CSMD1: variants seen among roughly 807,000 people sequenced by gnomAD.
CSMD1 encodes the protein CUB and sushi domain-containing protein 1.
CSMD1 carries 213 observed loss-of-function variants against 417.5 expected under a neutral mutation model. That is an observed-to-expected ratio of 0.51 (90% confidence interval 0.46 to 0.57). The LOEUF (loss-of-function observed/expected upper bound fraction) is 0.57. Among genes scored for constraint, CSMD1 ranks in the 20% least tolerant of loss-of-function variants. CSMD1 has a pLI of 0.00. For synonymous variants in CSMD1, 2,862 were observed against 1,736.8 expected (o/e 1.65, Z -16.11); for missense variants, 6,923 against 4,529.7 (o/e 1.53, Z -15.17).
At chr8:4,858,430 A>G (rs7832773) in intron 1 of CSMD1, among the ~76,000 whole-genome samples, 63,572 of 143,518 alleles carry the variant, frequency 0.44, 14,556 homozygotes, top group Non-Finnish European at 0.51. Flanking sequence ...TTAGGCAGGA[A>G]AAGGAAATAA....
intron 1 of CSMD1, among the ~76,000 whole-genome samples, chr8:4,902,608 A>C (rs1057466007): frequency 6.6e-6 from 1 of 152,216 alleles, no homozygotes; most frequent in African/African-American, 2.4e-5. Flanking sequence ...TCCTTTGACC[A>C]TTGTAATATT....
At chr8:4,422,698 G>A (rs1185854040) in intron 2 of CSMD1, among the ~76,000 whole-genome samples, 1 of 151,880 alleles carries the variant, frequency 6.6e-6, no homozygotes, top group South Asian at 2.1e-4. Flanking sequence ...AAGAGACTAA[G>A]ACACTCTAAT....
intron 3 of CSMD1, among the ~76,000 whole-genome samples, chr8:4,197,204 G>A (rs1036456142): frequency 6.6e-6 from 1 of 152,172 alleles, no homozygotes; most frequent in African/African-American, 2.4e-5. Flanking sequence ...GCATTTTCCA[G>A]TAAGAGCATC....
intron 1 of CSMD1, among the ~76,000 whole-genome samples, chr8:4,835,087 A>C (rs558900245): frequency 6.6e-6 from 1 of 151,850 alleles, no homozygotes; most frequent in South Asian, 2.1e-4. Context: ...TCACTGCCCT[A>C]TAGATATTAG....
At chr8:4,684,186 TA>T (rs1806225576) in intron 1 of CSMD1, among the ~76,000 whole-genome samples, 1 of 152,250 alleles carries the variant, frequency 6.6e-6, no homozygotes, top group Admixed American at 6.5e-5. Context: ...ACCATAAGGT[TA>T]TTTATGAATA....
At chr8:4,249,374 A>T (rs1384199763) in intron 3 of CSMD1, among the ~76,000 whole-genome samples, 1 of 152,254 alleles carries the variant, frequency 6.6e-6, no homozygotes, top group Admixed American at 6.5e-5. Context: ...TGTTTCATGT[A>T]GCATATTCCA....
chr8:3,547,851 C>T (rs558706991), intron 10 of CSMD1, among the ~76,000 whole-genome samples: 4 of 152,068 alleles, frequency 2.6e-5, no homozygotes, highest in African/African-American at 4.8e-5. Flanking sequence ...AAAGGAATTT[C>T]GCTAGGTCAT....
chr8:3,396,444 T>G, intron 16 of CSMD1, 63 bp from the exon 17 acceptor site: 1 of 1,179,580 alleles, frequency 8.5e-7, no homozygotes, highest in Non-Finnish European at 1.2e-6. Flanking sequence ...GACGTGCTCC[T>G]GACATCCTCA....
chr8:4,043,874 G>A lies in CSMD1; in HGVS notation c.416-11775C>T, dbSNP rs117451533. On this transcript the variant is annotated intron_variant, in intron 3 of 69. Coordinates refer to ENST00000635120, the MANE Select transcript of CSMD1 (RefSeq NM_033225.6). ...AAATGATGAGACACAGAGAGGCTAA[G>A]GAACTCAGTTAAGATAACACAGATA... 2.9e-3 allele frequency among the ~76,000 whole-genome samples: 444 copies of A among 152,270 alleles called. 12 individuals carry two copies. In the East Asian group the frequency reaches 0.057, roughly 19 times the overall value.
chr8:3,145,492 T>G lies in CSMD1; in HGVS notation c.6032-2818A>C, dbSNP rs140420962. 4.2e-3 allele frequency among the ~76,000 whole-genome samples: 636 copies of G among 152,284 alleles called. 7 individuals carry two copies. Among genetic ancestry groups the G allele is most frequent in the African/African-American group, 0.014 (600 of 41,556 alleles). ...AAGTACAGGATCTAGTGAAAGTGGT[T>G]TGTTACTGATTTGGAATTCAGTTTG... On this transcript the variant is annotated intron_variant, in intron 40 of 69. Transcript: ENST00000635120.
At chr8:4,365,916 T>C (rs1802040618) in intron 3 of CSMD1, among the ~76,000 whole-genome samples, 2 of 152,238 alleles carry the variant, frequency 1.3e-5, no homozygotes, top group African/African-American at 2.4e-5. Context: ...TAAAGTTTTA[T>C]TATTTTTTTC....
intron 6 of CSMD1, among the ~76,000 whole-genome samples, chr8:3,752,051 G>A (rs555471230): frequency 7.9e-5 from 12 of 152,214 alleles, no homozygotes; most frequent in Non-Finnish European, 1.5e-4. Flanking sequence ...CAGACCACAT[G>A]GAGTCTTCCT....
intron 1 of CSMD1, among the ~76,000 whole-genome samples, chr8:4,957,471 C>T (rs1809195049): frequency 6.6e-6 from 1 of 152,186 alleles, no homozygotes; most frequent in South Asian, 2.1e-4. Flanking sequence ...TTGATCATTT[C>T]AGGGAAGACA....
chr8:3,859,845 C>G lies in CSMD1; in HGVS notation c.819-105803G>C, dbSNP rs1371743634. ...GCAGGAGAAGCTGCACATTTGGAAG[C>G]CTCCTGGGTACAGCCTCAGGCATCT... is the stretch of plus-strand genomic sequence containing the variant. On this transcript the variant is annotated intron_variant, in intron 5 of 69. Transcript: ENST00000635120. 1.3e-5 allele frequency among the ~76,000 whole-genome samples: 2 copies of G among 152,136 alleles called. 1 individual carries two copies. The highest frequency in any genetic ancestry group is 2.9e-5 in the Non-Finnish European group (2 of 68,016).
chr8:3,856,946 C>CA (rs1179293020), intron 5 of CSMD1, among the ~76,000 whole-genome samples: 1 of 151,970 alleles, frequency 6.6e-6, no homozygotes, highest in African/African-American at 2.4e-5. Context: ...GCTATCCTGA[C>CA]AGGTACAAAG....
At position 4,734,942 on chromosome 8, in the gene CSMD1, C is replaced by T. The variant is rs897040866; in HGVS notation, c.86-97384G>A. ...GGAGGTCTGGCTTTAGCAAACTACT[C>T]GTTATGGCCTGGGATTCTGGGAAAG... On this transcript the variant is annotated intron_variant, in intron 1 of 69. Transcript: ENST00000635120. 4.6e-5 allele frequency among the ~76,000 whole-genome samples: 7 copies of T among 152,200 alleles called. No individual in the cohort carries two copies. In the East Asian group the frequency reaches 5.8e-4, roughly 13 times the overall value.
intron 5 of CSMD1, among the ~76,000 whole-genome samples, chr8:3,928,592 A>G (rs892335343): frequency 3.6e-5 from 5 of 139,064 alleles, no homozygotes; most frequent in African/African-American, 8.1e-5. Context: ...CCATCCACCA[A>G]TATAATAGAT....
intron 1 of CSMD1, among the ~76,000 whole-genome samples, chr8:4,918,301 C>T (rs1806205691): frequency 6.6e-6 from 1 of 152,114 alleles, no homozygotes; most frequent in East Asian, 1.9e-4. Flanking sequence ...TATTTATGAG[C>T]TTCGAAAATC....
At chr8:4,580,112 C>A (rs906928835) in intron 2 of CSMD1, among the ~76,000 whole-genome samples, 2 of 152,144 alleles carry the variant, frequency 1.3e-5, no homozygotes, top group African/African-American at 2.4e-5. Context: ...AATATTTTGT[C>A]TTTAAAATGT....
Sources: allele counts gnomAD v4.1 joint callset (sites outside exome capture counted in the v4.1 genomes callset), GRCh38; gene constraint gnomAD v4.1.1; transcripts MANE v1.5; gene names NCBI Gene and HGNC (gene_info 2026-07-23, HGNC 2026-07-21).